Variants in RIC1 observed in about 807,000 individuals in gnomAD.
RIC1 encodes the protein guanine nucleotide exchange factor subunit RIC1.
RIC1 carries 88 observed loss-of-function variants against 169.0 expected under a neutral mutation model. That is an observed-to-expected ratio of 0.52 (90% CI 0.44 to 0.62). The LOEUF is 0.62. Ranked by LOEUF, RIC1 falls within the 20% of genes least tolerant of loss-of-function variation. RIC1 has a pLI of 0.00. For missense variants in RIC1, 1,877 were observed against 1,725.5 expected (o/e 1.09, Z -1.56); for synonymous variants, 790 against 601.5 (o/e 1.31, Z -4.59).
intron 12 of RIC1, 133 bp downstream of exon 12, chr9:5,747,638 C>A: frequency 2.6e-6 from 2 of 765,808 alleles, no homozygotes; most frequent in Non-Finnish European, 2.1e-6. Flanking sequence ...TGTCCCTCTT[C>A]TGCTTTTCTG....
chr9:5,709,605 C>T (rs1428238467), intron 3 of RIC1, among the ~76,000 whole-genome samples: 1 of 152,168 alleles, frequency 6.6e-6, no homozygotes, highest in African/African-American at 2.4e-5. Context: ...ATTCTCCTGG[C>T]ATTCAGTGCT....
intron 4 of RIC1, among the ~76,000 whole-genome samples, 174 bp from the exon 5 acceptor site, chr9:5,720,008 A>T (rs372303658): frequency 6.6e-6 from 1 of 152,176 alleles, no homozygotes; most frequent in African/African-American, 2.4e-5. Flanking sequence ...CATTTCTTTC[A>T]GGATTTCTGA....
intron 6 of RIC1, among the ~76,000 whole-genome samples, chr9:5,723,917 G>T (rs1184330624): frequency 9.2e-5 from 14 of 152,196 alleles, no homozygotes; most frequent in Middle Eastern, 3.4e-3. Context: ...CATTGGTCTA[G>T]ATCTCTGTTT....
At chr9:5,766,086 G>C (rs147769674) in intron 21 of RIC1, among the ~76,000 whole-genome samples, 1,894 of 152,260 alleles carry the variant, frequency 0.012, 54 homozygotes, top group African/African-American at 0.043. Context: ...CTGTCACCCA[G>C]GCTGGAATGC....
chr9:5,645,024 T>C (rs750683774), intron 1 of RIC1, among the ~76,000 whole-genome samples: 2 of 152,224 alleles, frequency 1.3e-5, no homozygotes, highest in African/African-American at 2.4e-5. Context: ...TATATCTTAT[T>C]CCATTTATAT....
chr9:5,637,893 C>T (rs1466016409), intron 1 of RIC1, among the ~76,000 whole-genome samples: 2 of 152,096 alleles, frequency 1.3e-5, no homozygotes, highest in Non-Finnish European at 2.9e-5. Context: ...TGTTGAATAA[C>T]AATAGTGAAG....
chr9:5,766,554 G>T (rs920716144), intron 21 of RIC1, among the ~76,000 whole-genome samples: 1 of 151,792 alleles, frequency 6.6e-6, no homozygotes, highest in Non-Finnish European at 1.5e-5. Flanking sequence ...ATGCCTTTGC[G>T]TCCTCATGGT....
chr9:5,656,555 C>G (rs1178780775), intron 1 of RIC1, 28 bp from the exon 2 acceptor site: 9 of 1,075,974 alleles, frequency 8.4e-6, no homozygotes, highest in Non-Finnish European at 1.2e-5. Flanking sequence ...ATAAAAAATA[C>G]AACTTTTTTT....
downstream of RIC1, among the ~76,000 whole-genome samples, chr9:5,777,424 G>A (rs1827649622): frequency 6.6e-6 from 1 of 150,706 alleles, no homozygotes; most frequent in Non-Finnish European, 1.5e-5. Flanking sequence ...AACAAATTGA[G>A]TGGTGAGAAT....
Position 5,720,626 on chromosome 9 carries a change from T to C in RIC1, c.596T>C (p.Leu199Pro), listed in dbSNP as rs373625803. 76 of 1,599,324 alleles carry C rather than the reference T, an allele frequency of 4.8e-5. No individual in the cohort carries two copies. In the African/African-American group the frequency reaches 9.2e-4, roughly 19 times the overall value. Residue 199 changes from leucine (L) to proline (P), a missense_variant, in exon 6 of 26, where the codon CTG becomes CCG. By Grantham distance (98) the Leu-to-Pro change is moderately conservative (BLOSUM62 -3). Around this residue, in one of 3 missense-constraint regions of RIC1, gnomAD observed 1,104 missense variants for 992.0 expected, o/e 1.11. Transcript: ENST00000414202. ...TTTTTTTCATCAGTAGGTTCATTCC[T>C]GGGCTTCACAGACGTACACATCAGA... is the stretch of plus-strand genomic sequence containing the variant. ...DLQSSRVGSFLGFTDVHIRDM... is the reference protein window; with the variant it reads ...DLQSSRVGSFPGFTDVHIRDM...
intron 23 of RIC1, 28 bp downstream of exon 23, chr9:5,770,306 T>G (rs1827120987): frequency 6.3e-7 from 1 of 1,586,620 alleles, no homozygotes; most frequent in Non-Finnish European, 8.6e-7. Flanking sequence ...TCCTAGCTCT[T>G]CAGTTCCTTT....
chr9:5,771,410 G>A (rs979249739), intron 23 of RIC1, among the ~76,000 whole-genome samples: 2 of 152,056 alleles, frequency 1.3e-5, no homozygotes, highest in Non-Finnish European at 2.9e-5. Context: ...CAGATACCAC[G>A]TTTTGTGTAT....
chr9:5,733,231 C>CAT (rs1322434734), intron 7 of RIC1, among the ~76,000 whole-genome samples: 3 of 151,248 alleles, frequency 2.0e-5, no homozygotes, highest in East Asian at 3.9e-4. Context: ...AGTCTCCAGC[C>CAT]ATATCATCAC....
intron 2 of RIC1, among the ~76,000 whole-genome samples, chr9:5,687,198 C>G (rs765686684): frequency 2.6e-5 from 4 of 152,048 alleles, no homozygotes; most frequent in Non-Finnish European, 5.9e-5. Flanking sequence ...TCTTTGATTT[C>G]TGTTAGTGGC....
At position 5,660,316 on chromosome 9, in the gene RIC1, A is replaced by T. The variant is rs529839770; in HGVS notation, c.252+3626A>T. On this transcript the variant is annotated intron_variant, in intron 2 of 25. Coordinates refer to ENST00000414202, the MANE Select transcript of RIC1 (RefSeq NM_020829.4). ...TTGTGAATAGTGCTGCAGTGAATAT[A>T]TGCATGCATGAATGTTTGTAATAGA... is the stretch of plus-strand genomic sequence containing the variant. Among the ~76,000 whole-genome samples the T allele has an allele frequency of 3.8e-3, 584 of 152,318 alleles. 1 individual carries two copies. The highest frequency in any genetic ancestry group is 0.013 in the African/African-American group (558 of 41,586).
At chr9:5,636,912 G>A (rs1228355370) in intron 1 of RIC1, among the ~76,000 whole-genome samples, 3 of 152,066 alleles carry the variant, frequency 2.0e-5, no homozygotes, top group South Asian at 2.1e-4. Context: ...TATCTATAGT[G>A]CCTTGTACAA....
intron 22 of RIC1, chr9:5,769,748 G>C (rs1366435479): frequency 4.1e-6 from 1 of 241,340 alleles, no homozygotes; most frequent in Non-Finnish European, 7.9e-6. Flanking sequence ...TATTATTTGT[G>C]AATATTGAAA....
rs905205982 is a variant in RIC1 at position 5,689,080 on chromosome 9, G to A, written c.253-879G>A. ...TTTTTTTTTTTTGAGACGGAGTCTC[G>A]CTCTGTCGCCCAGCGGGGAGTGCAG... is the stretch of plus-strand genomic sequence containing the variant. On this transcript the variant is annotated intron_variant, in intron 2 of 25. Coordinates refer to ENST00000414202, the MANE Select transcript of RIC1 (RefSeq NM_020829.4). 1.1e-4 allele frequency among the ~76,000 whole-genome samples: 12 copies of A among 110,328 alleles called. No homozygotes were observed. In the East Asian group the frequency reaches 2.3e-3, roughly 21 times the overall value. The allele number at this position is 110,328 out of a possible 152,430, so 72.4% of individuals were successfully genotyped here.
Position 5,763,529 on chromosome 9 carries a change from A to G in RIC1, c.2502A>G (p.Gln834=), listed in dbSNP as rs928242384. The G allele has an allele frequency of 1.3e-5, 21 of 1,613,938 alleles. No homozygotes were observed. Among genetic ancestry groups the G allele is most frequent in the East Asian group, 4.5e-5 (2 of 44,892 alleles). ...SQIYLHHILR[Q]LLVRNLGEQA... The stretch of plus-strand genomic sequence containing the variant: ...TCTACCTCCACCACATTCTACGTCA[A>G]CTTCTGGTCAGAAACCTTGGGGAGC... The change falls in exon 19 of 26, where the codon CAA becomes CAG. Residue 834 remains glutamine (Q), a synonymous_variant. Transcript: ENST00000414202. This position sits in a 1 kb window ranked among gnomAD's most constrained non-coding sequence, Gnocchi z 5.2.
Sources: gnomAD v4.1 joint callset for allele counts (sites outside exome capture counted in the v4.1 genomes callset) on GRCh38, gnomAD v4.1.1 for gene constraint, gnomAD v4.1.1 regional missense constraint, Gnocchi (gnomAD v3.1) non-coding constraint, MANE v1.5 for transcripts, NCBI Gene and HGNC (gene_info 2026-07-23, HGNC 2026-07-21) for gene names.